STIMATE: variants seen among roughly 807,000 people sequenced by gnomAD.
The protein encoded by STIMATE is STIM activating enhancer.
STIMATE carries 15 observed loss-of-function variants against 36.7 expected under a neutral mutation model. The ratio of observed to expected loss-of-function variants is 0.41; its 90% CI spans 0.27 to 0.63. The LOEUF (loss-of-function observed/expected upper bound fraction) is 0.63. Ranked by LOEUF, STIMATE falls within the 20% of genes least tolerant of loss-of-function variation. The probability of loss-of-function intolerance (pLI) is 0.32; values close to 1 mark genes in which losing one functional copy is unlikely to be tolerated. For synonymous variants in STIMATE, 163 were observed against 162.3 expected, an observed-to-expected ratio of 1.00 and a Z score of -0.03; for missense variants, 305 against 397.3, an observed-to-expected ratio of 0.77 and a Z score of 1.98.
At chr3:52,866,373 C>T (rs1474332669) in intron 1 of STIMATE, among the ~76,000 whole-genome samples, 3 of 152,190 alleles carry the variant, frequency 2.0e-5, no homozygotes, top group East Asian at 1.9e-4. Flanking sequence ...CCGTCTACCG[C>T]CTTGAGGGGC....
At chr3:52,849,736 G>C in intron 4 of STIMATE, 56 bp downstream of exon 4, 1 of 1,575,376 alleles carries the variant, frequency 6.3e-7, no homozygotes, top group Non-Finnish European at 8.6e-7. Flanking sequence ...ATGGGGCAAG[G>C]AGCAGAGACC....
intron 1 of STIMATE, among the ~76,000 whole-genome samples, chr3:52,877,493 G>A (rs1277809401): frequency 6.6e-6 from 1 of 152,244 alleles, no homozygotes; most frequent in Non-Finnish European, 1.5e-5. Context: ...GCATTGGAGG[G>A]GAAAGGGCAG....
chr3:52,852,662 C>T lies in STIMATE; in HGVS notation c.246G>A (p.Leu82=). 6.2e-7 allele frequency: 1 copy of T among 1,614,196 alleles called. No individual in the cohort carries two copies. Among genetic ancestry groups the T allele is most frequent in the Admixed American group, 1.7e-5 (1 of 60,028 alleles). The change falls in exon 3 of 8, where the codon CTG becomes CTA. Residue 82 remains leucine (L), a synonymous_variant. Coordinates refer to ENST00000355083, the MANE Select transcript of STIMATE (RefSeq NM_198563.5). Reference sequence around the variant, plus strand: ...GGTATACATTTGCAAAGTGGATGAACAGCATTCCTATGGCTTGTTTGGAAG... The same window carrying T: ...GGTATACATTTGCAAAGTGGATGAATAGCATTCCTATGGCTTGTTTGGAAG... ...LDTSKQAIGM[L]FIHFANVYLA... is the part of the protein sequence containing the mutation.
intron 1 of STIMATE, among the ~76,000 whole-genome samples, chr3:52,890,566 A>G (rs1418100455): frequency 1.3e-5 from 2 of 152,356 alleles, no homozygotes; most frequent in East Asian, 3.9e-4. Context: ...CTCCCACAAG[A>G]AAGAATTATC....
intron 7 of STIMATE, among the ~76,000 whole-genome samples, 182 bp from the exon 8 acceptor site, chr3:52,840,792 T>C (rs1156958830): frequency 6.6e-6 from 1 of 150,914 alleles, no homozygotes; most frequent in African/African-American, 2.4e-5. Flanking sequence ...CTCTGCCTCC[T>C]GGGTTCGAGT....
chr3:52,873,248 G>A (rs1399842890), intron 1 of STIMATE, among the ~76,000 whole-genome samples: 4 of 152,230 alleles, frequency 2.6e-5, no homozygotes, highest in South Asian at 2.1e-4. Context: ...CAGTAGGAGC[G>A]AGGGGGCATT....
chr3:52,845,508 C>T (rs569345107), intron 4 of STIMATE, among the ~76,000 whole-genome samples: 2 of 152,296 alleles, frequency 1.3e-5, no homozygotes, highest in African/African-American at 4.8e-5. Flanking sequence ...TTGGACTCTA[C>T]CTGTCCAGCA....
rs139924336 is a variant in STIMATE at position 52,896,766 on chromosome 3, G to A, written c.160+525C>T. On this transcript the variant is annotated intron_variant, in intron 1 of 7. Coordinates refer to ENST00000355083, the MANE Select transcript of STIMATE (RefSeq NM_198563.5). ...GAGGAAGAAGGGCCACGGAGAGGGA[G>A]GCGGGTACTGGGAAACGGAAGGCAT... Among the ~76,000 whole-genome samples, 374 of 152,284 alleles carry A rather than the reference G, an allele frequency of 2.5e-3. 8 individuals are homozygous for A. The East Asian group carries it at 0.054, about 22-fold the overall frequency.
intron 7 of STIMATE, among the ~76,000 whole-genome samples, chr3:52,840,863 C>T (rs140261276): frequency 3.9e-5 from 6 of 151,982 alleles, no homozygotes; most frequent in African/African-American, 1.5e-4. Context: ...ATGCCTGGTT[C>T]GTTGTTTTTT....
At chr3:52,885,883 G>C (rs937024796) in intron 1 of STIMATE, among the ~76,000 whole-genome samples, 1 of 152,210 alleles carries the variant, frequency 6.6e-6, no homozygotes, top group African/African-American at 2.4e-5. Flanking sequence ...TCACTGTCTT[G>C]ATGCCTGCTG....
At chr3:52,869,926 G>A (rs1459440073) in intron 1 of STIMATE, among the ~76,000 whole-genome samples, 1 of 152,216 alleles carries the variant, frequency 6.6e-6, no homozygotes, top group East Asian at 1.9e-4. Context: ...CAGCTCACAG[G>A]AGTATTAATA....
chr3:52,867,665 A>G (rs1416306799), intron 1 of STIMATE, among the ~76,000 whole-genome samples: 2 of 152,202 alleles, frequency 1.3e-5, no homozygotes, highest in Non-Finnish European at 1.5e-5. Context: ...GCGAGTGCTG[A>G]GGCAGCGGAC....
chr3:52,843,908 C>T (rs1263981949), intron 5 of STIMATE, 110 bp from the exon 6 acceptor site: 9 of 1,440,566 alleles, frequency 6.2e-6, no homozygotes, highest in Non-Finnish European at 6.6e-6. Context: ...AAGACGCTTC[C>T]TCCAAAGCCC....
At chr3:52,890,512 C>T (rs979116747) in intron 1 of STIMATE, among the ~76,000 whole-genome samples, 1 of 152,234 alleles carries the variant, frequency 6.6e-6, no homozygotes, top group Non-Finnish European at 1.5e-5. Flanking sequence ...TGGGTAGAGG[C>T]AGGCTGGGGA....
At position 52,845,838 on chromosome 3, in the gene STIMATE, A is replaced by G. The variant is rs544213978; in HGVS notation, c.428-897T>C. 6.4e-4 allele frequency among the ~76,000 whole-genome samples: 94 copies of G among 147,920 alleles called. 2 individuals carry two copies. The South Asian group carries it at 0.02, about 31-fold the overall frequency. On this transcript the variant is annotated intron_variant, in intron 4 of 7. Transcript: ENST00000355083. Reference sequence around the variant, plus strand: ...AGTGGGAGACCCAGGGGAGAGTGGGATGTGGGAAGGTTGCCTGGGGCTCAC... The same window carrying G: ...AGTGGGAGACCCAGGGGAGAGTGGGGTGTGGGAAGGTTGCCTGGGGCTCAC...
intron 1 of STIMATE, among the ~76,000 whole-genome samples, chr3:52,891,702 ACT>A (rs1701785010): frequency 6.6e-6 from 1 of 151,644 alleles, no homozygotes. Flanking sequence ...ACTGCCATGC[ACT>A]CTGTGAAGAG....
At chr3:52,876,255 TA>T (rs1162018428) in intron 1 of STIMATE, among the ~76,000 whole-genome samples, 3 of 152,180 alleles carry the variant, frequency 2.0e-5, no homozygotes, top group Non-Finnish European at 4.4e-5. Flanking sequence ...CAGCAAGCAC[TA>T]GGGTCAGGAC....
chr3:52,860,945 C>T (rs1407438946), intron 1 of STIMATE, among the ~76,000 whole-genome samples: 1 of 152,210 alleles, frequency 6.6e-6, no homozygotes. Flanking sequence ...CAGTTGTGCC[C>T]TGCGTGGGCC....
At chr3:52,858,261 C>T (rs1286606311) in intron 1 of STIMATE, among the ~76,000 whole-genome samples, 1 of 152,180 alleles carries the variant, frequency 6.6e-6, no homozygotes, top group African/African-American at 2.4e-5. Context: ...ATTATTTAGG[C>T]TTTTCTGTAA....
Sources: gnomAD v4.1 joint callset for allele counts (sites outside exome capture counted in the v4.1 genomes callset) on GRCh38, gnomAD v4.1.1 for gene constraint, MANE v1.5 for transcripts, NCBI Gene and HGNC (gene_info 2026-07-23, HGNC 2026-07-21) for gene names.